FNDC1: variants seen among roughly 807,000 people sequenced by gnomAD.
FNDC1 encodes the protein fibronectin type III domain containing 1.
In FNDC1, 96 loss-of-function variants were observed where a neutral mutation model predicts 168.0. That is an observed-to-expected ratio of 0.57 (90% CI 0.48 to 0.68). The LOEUF is 0.68. FNDC1 is among the 30% of genes least tolerant of loss of function. The pLI is 0.00. For missense variants in FNDC1, 2,587 were observed against 2,482.1 expected (o/e 1.04, Z -0.90); for synonymous variants, 1,099 against 1,025.9 (o/e 1.07, Z -1.36).
chr6:159,221,608 C>G lies in FNDC1; in HGVS notation c.678C>G (p.Ser226=), dbSNP rs576488957. ...THEIKKLASE[S]VYVVSLQSMN... is the part of the protein sequence containing the mutation. ...CTCCCTGGTCCACAGCCTCGGAATC[C>G]GTGTATGTGGTCTCCCTGCAGTCCA... Residue 226 remains serine (S), a synonymous_variant, in exon 6 of 23, where the codon TCC becomes TCG. Coordinates refer to ENST00000297267, the MANE Select transcript of FNDC1 (RefSeq NM_032532.3). The G allele has an allele frequency of 2.5e-6, 4 of 1,613,802 alleles. No individual in the cohort carries two copies. Among genetic ancestry groups the G allele is most frequent in the African/African-American group, 2.7e-5 (2 of 75,038 alleles).
At chr6:159,224,359 A>G (rs1464198255) in intron 7 of FNDC1, among the ~76,000 whole-genome samples, 1 of 152,222 alleles carries the variant, frequency 6.6e-6, no homozygotes, top group Non-Finnish European at 1.5e-5. Context: ...GACTGAATAC[A>G]TTAAGTAACC....
rs545340814 is a variant in FNDC1, at chr6:159,192,886, C to A, written c.110-4545C>A. Among the ~76,000 whole-genome samples the A allele has an allele frequency of 7.2e-5, 11 of 152,232 alleles. No individual in the cohort carries two copies. In the East Asian group the frequency reaches 1.3e-3, roughly 19 times the overall value. On this transcript the variant is annotated intron_variant, in intron 1 of 22. Coordinates refer to ENST00000297267, the MANE Select transcript of FNDC1 (RefSeq NM_032532.3). ...GAGGTCTGGGGGTGTGATGTGATTC[C>A]TTGGACAGATCTGTACCTGATGCCT... is the stretch of plus-strand genomic sequence containing the variant.
chr6:159,234,441 C>G lies in FNDC1; in HGVS notation c.3929C>G (p.Pro1310Arg). The change falls in exon 11 of 23, where the codon CCT becomes CGT. Residue 1310 changes from proline to arginine, a missense_variant. By Grantham distance (103) the Pro-to-Arg change is moderately radical. Transcript: ENST00000297267. The stretch of plus-strand genomic sequence containing the variant: ...ATGATGCATGCCAGATTCCGTAACC[C>G]TCTCTCCCGACAGCCTGCCAGACCC... ...QRMMHARFRN[P>R]LSRQPARPSY... 1 of 1,613,576 alleles carries G rather than the reference C, an allele frequency of 6.2e-7. No homozygotes were observed. The highest frequency in any genetic ancestry group is 8.5e-7 in the Non-Finnish European group (1 of 1,179,882).
At chr6:159,175,069 C>T (rs1004734444) in intron 1 of FNDC1, among the ~76,000 whole-genome samples, 13 of 152,090 alleles carry the variant, frequency 8.5e-5, no homozygotes, top group African/African-American at 2.9e-4. Context: ...AGATGCTGCT[C>T]ACATTTTTTT....
rs781669774 is a variant in FNDC1, at chr6:159,232,914, C to T, written c.2402C>T (p.Ala801Val). ...DGDREDGGRQ[A>V]EATAQTLRAR... ...GATAGGGAAGACGGCGGAAGGCAGGCGGAGGCCACGGCCCAGACGCTGCGG... is the reference window on the plus strand; with the variant it reads ...GATAGGGAAGACGGCGGAAGGCAGGTGGAGGCCACGGCCCAGACGCTGCGG... Residue 801 changes from alanine to valine, a missense_variant, in exon 11 of 23, where the codon GCG (alanine) becomes GTG (valine). Coordinates refer to ENST00000297267, the MANE Select transcript of FNDC1 (RefSeq NM_032532.3). The surrounding 1 kb of genome is among the most constrained non-coding windows in gnomAD (Gnocchi z 4.9). 5.6e-6 allele frequency: 9 copies of T among 1,611,690 alleles called. No homozygotes were observed. The highest frequency in any genetic ancestry group is 2.2e-5 in the South Asian group (2 of 90,946).
chr6:159,203,168 C>G (rs542461224), intron 4 of FNDC1, among the ~76,000 whole-genome samples: 11 of 152,334 alleles, frequency 7.2e-5, no homozygotes, highest in African/African-American at 2.6e-4. Context: ...TTTGAAGACT[C>G]TATTTCTGAA....
intron 1 of FNDC1, among the ~76,000 whole-genome samples, chr6:159,170,486 T>C (rs1233295906): frequency 6.6e-6 from 1 of 152,230 alleles, no homozygotes; most frequent in Non-Finnish European, 1.5e-5. Flanking sequence ...GACAAGTTTG[T>C]GGCGAGGTTT....
chr6:159,255,307 A>C (rs879361023), intron 17 of FNDC1, among the ~76,000 whole-genome samples: 1 of 151,882 alleles, frequency 6.6e-6, no homozygotes, highest in Admixed American at 6.6e-5. Context: ...GATTCCCACT[A>C]CCTGGAATCC....
chr6:159,259,622 C>G (rs1040659283), intron 18 of FNDC1, among the ~76,000 whole-genome samples: 1 of 152,228 alleles, frequency 6.6e-6, no homozygotes, highest in African/African-American at 2.4e-5. Flanking sequence ...TAAAGTTTGC[C>G]CAGGACTGGA....
intron 5 of FNDC1, among the ~76,000 whole-genome samples, chr6:159,219,037 G>C (rs1782763263): frequency 8.0e-6 from 1 of 125,022 alleles, no homozygotes; most frequent in Non-Finnish European, 1.6e-5. Flanking sequence ...GGGAATTTCA[G>C]TTTCCCCTCT....
intron 19 of FNDC1, among the ~76,000 whole-genome samples, chr6:159,262,836 T>C (rs1777513285): frequency 6.6e-6 from 1 of 152,184 alleles, no homozygotes; most frequent in Non-Finnish European, 1.5e-5. Flanking sequence ...AGGAAACACT[T>C]TCAATGAGCT....
At chr6:159,256,121 T>C (rs754023534) in intron 17 of FNDC1, among the ~76,000 whole-genome samples, 1 of 152,194 alleles carries the variant, frequency 6.6e-6, no homozygotes, top group Non-Finnish European at 1.5e-5. Flanking sequence ...AACAACATTC[T>C]TCGTTTCCTG....
At chr6:159,254,574 G>C (rs1054309505) in intron 17 of FNDC1, among the ~76,000 whole-genome samples, 1 of 152,028 alleles carries the variant, frequency 6.6e-6, no homozygotes, top group African/African-American at 2.4e-5. Context: ...TGGGCGTGGT[G>C]GTGGGTGCCT....
intron 18 of FNDC1, among the ~76,000 whole-genome samples, chr6:159,259,741 G>A (rs1777446861): frequency 6.6e-6 from 1 of 152,202 alleles, no homozygotes; most frequent in Non-Finnish European, 1.5e-5. Context: ...GCTGCTGAGT[G>A]AATTGAGATT....
Position 159,215,168 on chromosome 6 carries a change from T to C in FNDC1, c.667+17T>C, listed in dbSNP as rs775296249. Reference sequence around the variant, plus strand: ...AAAAGCTAGGTGAGTTTCATATTCATTGGTATTCAATGTTTCCATGGTCTT... The same window carrying C: ...AAAAGCTAGGTGAGTTTCATATTCACTGGTATTCAATGTTTCCATGGTCTT... On this transcript the variant is annotated intron_variant, in intron 5 of 22. Coordinates refer to ENST00000297267, the MANE Select transcript of FNDC1 (RefSeq NM_032532.3). 1.7e-5 allele frequency: 28 copies of C among 1,603,754 alleles called. No individual in the cohort carries two copies. In the Admixed American group the frequency reaches 4.7e-4, roughly 27 times the overall value.
intron 1 of FNDC1, among the ~76,000 whole-genome samples, chr6:159,174,401 C>T (rs1047732917): frequency 2.0e-5 from 3 of 152,268 alleles, no homozygotes; most frequent in Non-Finnish European, 2.9e-5. Context: ...CTGCGTCTTC[C>T]TCCCTCGGCC....
In FNDC1 at chr6:159,228,117, C is replaced by T. The variant is rs897934786; in HGVS notation, c.1180+1537C>T. Among the ~76,000 whole-genome samples, 5 of 152,164 alleles carry T rather than the reference C, an allele frequency of 3.3e-5. 1 individual carries two copies. In the East Asian group the frequency reaches 5.8e-4, roughly 18 times the overall value. On this transcript the variant is annotated intron_variant, in intron 9 of 22. Coordinates refer to ENST00000297267, the MANE Select transcript of FNDC1 (RefSeq NM_032532.3). ...CTCTGGTGACTTTATTCCCATGCTACTTATGTACTCTTCCTCTCTCCCTCA... is the reference window on the plus strand; with the variant it reads ...CTCTGGTGACTTTATTCCCATGCTATTTATGTACTCTTCCTCTCTCCCTCA...
chr6:159,248,268 AC>A (rs113792499), intron 15 of FNDC1, among the ~76,000 whole-genome samples: 2 of 151,734 alleles, frequency 1.3e-5, no homozygotes, highest in Non-Finnish European at 2.9e-5. Flanking sequence ...GATTAATCCC[AC>A]CCCCCATGCC....
intron 5 of FNDC1, among the ~76,000 whole-genome samples, chr6:159,217,204 G>A (rs1782726702): frequency 6.6e-6 from 1 of 152,228 alleles, no homozygotes; most frequent in Admixed American, 6.5e-5. Context: ...AAGGAGGAGA[G>A]GGGAGAGTTG....
Sources: gnomAD v4.1 joint callset for allele counts (sites outside exome capture counted in the v4.1 genomes callset) on GRCh38, gnomAD v4.1.1 for gene constraint, Gnocchi (gnomAD v3.1) non-coding constraint, MANE v1.5 for transcripts, NCBI Gene and HGNC (gene_info 2026-07-23, HGNC 2026-07-21) for gene names.